PMM1: variants seen among roughly 807,000 people sequenced by gnomAD.
The protein encoded by PMM1 is phosphomannomutase 1.
In PMM1, 25 loss-of-function variants were observed where a neutral mutation model predicts 34.0. The ratio of observed to expected loss-of-function variants is 0.73; its 90% CI spans 0.54 to 1.03. The LOEUF (loss-of-function observed/expected upper bound fraction) is 1.03, where lower values mean the gene tolerates loss of function less well. Among genes scored for constraint, PMM1 ranks in the 50% least tolerant of loss-of-function variants. The pLI is 0.00. For missense variants in PMM1, 321 were observed against 350.1 expected (o/e 0.92, Z 0.66); for synonymous variants, 134 against 143.9 (o/e 0.93, Z 0.49).
intron 1 of PMM1, chr22:41,588,795 C>T: frequency 1.0e-6 from 1 of 985,442 alleles, no homozygotes; most frequent in Non-Finnish European, 1.2e-6. Flanking sequence ...GACCTGGGTT[C>T]CCATCAGCCA....
chr22:41,584,200 A>G (rs905984630), intron 4 of PMM1, 81 bp downstream of exon 4: 81 of 1,384,980 alleles, frequency 5.8e-5, no homozygotes, highest in Non-Finnish European at 7.2e-5. Flanking sequence ...GGGCCCAAGT[A>G]TCTCCAGGTT....
intron 1 of PMM1, chr22:41,589,340 G>GGT (rs1215252257): frequency 2.3e-6 from 1 of 436,524 alleles, no homozygotes; most frequent in African/African-American, 2.0e-5. Flanking sequence ...TCCGACCACT[G>GGT]GTGTGTCGTA....
intron 1 of PMM1, among the ~76,000 whole-genome samples, chr22:41,587,935 G>A (rs948531355): frequency 1.3e-5 from 2 of 152,240 alleles, no homozygotes; most frequent in African/African-American, 4.8e-5. Flanking sequence ...AGGCTGGCCC[G>A]TAGACAAATT....
chr22:41,586,026 C>T (rs373858836), intron 2 of PMM1, 50 bp downstream of exon 2: 10 of 1,382,046 alleles, frequency 7.2e-6, no homozygotes, highest in African/African-American at 4.4e-5. Context: ...TGAAGACGCC[C>T]AGGAATCTCT....
At chr22:41,589,661 G>T (rs1219995581) in intron 1 of PMM1, 58 bp downstream of exon 1, 6 of 1,434,978 alleles carry the variant, frequency 4.2e-6, no homozygotes, top group Non-Finnish European at 5.8e-6. Flanking sequence ...CCCACACTCA[G>T]CCTCGGGGGT....
intron 1 of PMM1, chr22:41,588,634 C>A (rs1049656482): frequency 1.0e-6 from 1 of 984,974 alleles, no homozygotes; most frequent in Non-Finnish European, 1.2e-6. Flanking sequence ...GGATTACAGG[C>A]GTGACCCACA....
At chr22:41,586,423 A>G in intron 1 of PMM1, 2 of 679,546 alleles carry the variant, frequency 2.9e-6, no homozygotes, top group Non-Finnish European at 4.4e-6. Context: ...GGAGTTTGAG[A>G]CTAGAGCCTA....
At chr22:41,589,654 A>AC in intron 1 of PMM1, 65 bp downstream of exon 1, 1 of 1,371,070 alleles carries the variant, frequency 7.3e-7, no homozygotes, top group Non-Finnish European at 1.0e-6. Context: ...TGCAGACCCC[A>AC]CACTCAGCCT....
At chr22:41,577,680 C>T in intron 7 of PMM1, 128 bp downstream of exon 7, 1 of 778,746 alleles carries the variant, frequency 1.3e-6, no homozygotes, top group Non-Finnish European at 2.1e-6. Flanking sequence ...CCAGGAGCCC[C>T]CTAAGAGGTC....
chr22:41,578,930 C>T, intron 5 of PMM1, 49 bp from the exon 6 acceptor site: 1 of 1,538,738 alleles, frequency 6.5e-7, no homozygotes, highest in Non-Finnish European at 9.0e-7. Context: ...TGCTGTGTGC[C>T]AGGCCCTGGC....
chr22:41,588,803 C>T (rs2067343831), intron 1 of PMM1: 4 of 985,480 alleles, frequency 4.1e-6, no homozygotes, highest in Non-Finnish European at 4.8e-6. Context: ...TTCCCATCAG[C>T]CACTGCCCAG....
intron 1 of PMM1, among the ~76,000 whole-genome samples, chr22:41,588,176 C>T (rs2067333471): frequency 6.6e-6 from 1 of 151,992 alleles, no homozygotes; most frequent in Admixed American, 6.6e-5. Context: ...TCTGCCTCCC[C>T]AGTAGCTGGG....
Position 41,582,375 on chromosome 22 carries a change from C to T in PMM1, c.474+1584G>A, listed in dbSNP as rs549332570. On this transcript the variant is annotated intron_variant, in intron 5 of 7. Transcript: ENST00000216259. ...TCAGGAGGCTGAGGTGTGAGGATCG[C>T]TTGAGCCTGAGAGATCGAGGCTGCA... Among the ~76,000 whole-genome samples, 6 of 152,166 alleles carry T rather than the reference C, an allele frequency of 3.9e-5. No homozygotes were observed. In the South Asian group the frequency reaches 1.2e-3, roughly 32 times the overall value.
At chr22:41,584,120 C>T in intron 4 of PMM1, 62 bp from the exon 5 acceptor site, 1 of 1,409,794 alleles carries the variant, frequency 7.1e-7, no homozygotes, top group Non-Finnish European at 1.0e-6. Flanking sequence ...TCAAATCTAG[C>T]CCCACCTGGG....
chr22:41,587,801 G>T (rs1252918850), intron 1 of PMM1, among the ~76,000 whole-genome samples: 1 of 152,266 alleles, frequency 6.6e-6, no homozygotes, highest in South Asian at 2.1e-4. Flanking sequence ...AGCCGGCCAG[G>T]CTCCCCAAGT....
chr22:41,588,880 G>A, intron 1 of PMM1: 5 of 979,492 alleles, frequency 5.1e-6, no homozygotes, highest in Non-Finnish European at 6.1e-6. Flanking sequence ...CCCCCAGACT[G>A]GAGGGTGGGT....
intron 3 of PMM1, 54 bp from the exon 4 acceptor site, chr22:41,584,426 C>G: frequency 1.1e-5 from 18 of 1,584,066 alleles, no homozygotes; most frequent in Non-Finnish European, 1.5e-5. Flanking sequence ...GACCCTGAGA[C>G]AGGCACAGTG....
intron 3 of PMM1, 37 bp from the exon 4 acceptor site, chr22:41,584,409 G>A: frequency 6.3e-7 from 1 of 1,598,742 alleles, no homozygotes; most frequent in Non-Finnish European, 8.6e-7. Flanking sequence ...CGTGGCCTGG[G>A]CTGCCTGACC....
chr22:41,583,255 G>T (rs533177245), intron 5 of PMM1, among the ~76,000 whole-genome samples: 1 of 152,162 alleles, frequency 6.6e-6, no homozygotes, highest in East Asian at 1.9e-4. Context: ...CGAGGCAGGC[G>T]GATCACCTTA....
Sources: gnomAD v4.1 joint callset for allele counts (sites outside exome capture counted in the v4.1 genomes callset) on GRCh38, gnomAD v4.1.1 for gene constraint, MANE v1.5 for transcripts, NCBI Gene and HGNC (gene_info 2026-07-23, HGNC 2026-07-21) for gene names.